The following PLPPR3 variants were observed in gnomAD, a reference collection of about 807,000 sequenced individuals.
PLPPR3 encodes the protein phospholipid phosphatase related 3.
PLPPR3 carries 14 observed loss-of-function variants against 27.3 expected under a neutral mutation model. That is an observed-to-expected ratio of 0.51 (90% CI 0.34 to 0.80). The LOEUF (loss-of-function observed/expected upper bound fraction) is 0.80, where lower values mean the gene tolerates loss of function less well. Among genes scored for constraint, PLPPR3 ranks in the 30% least tolerant of loss-of-function variants. The pLI, the probability that PLPPR3 is intolerant of heterozygous loss-of-function variation, is 0.01. For missense variants in PLPPR3, 1,287 were observed against 1,056.9 expected (o/e 1.22, Z -3.02); for synonymous variants, 671 against 508.0 (o/e 1.32, Z -4.32).
rs766728349 is a variant in PLPPR3, at chr19:814,619, G to A, written c.658-12C>T. On this transcript the variant is annotated splice_polypyrimidine_tract_variant and intron_variant, in intron 6 of 7. Transcript: ENST00000520876. ...GAGTTGAAGTACATCTGGGGCATGG[G>A]GGTTGGGGTCAGGGAGGGCTCCCCA... 4 of 1,611,498 alleles carry A rather than the reference G, an allele frequency of 2.5e-6. No homozygotes were observed. Among genetic ancestry groups the A allele is most frequent in the East Asian group, 2.2e-5 (1 of 44,892 alleles).
Position 812,692 on chromosome 19 carries a change from GGCCCAGCGCCCCATCGGCCGC to G in PLPPR3, c.2014_2034del (p.Ala672_Gly678del), listed in dbSNP as rs1599254818. The G allele has an allele frequency of 7.6e-6, 8 of 1,049,176 alleles. No individual in the cohort carries two copies. The highest frequency in any genetic ancestry group is 1.7e-5 in the African/African-American group (1 of 57,778). The allele number at this position is 1,049,176 out of a possible 1,614,324, so 65.0% of individuals were successfully genotyped here. A position where few individuals can be genotyped will look rare whatever the true frequency, so the allele number is the denominator to read the frequency against. ...CGCAGCGTGGACTCCCGGCTGCCCG[GGCCCAGCGCCCCATCGGCCGC>G]GCCCAGCGGGGGCAGCCCCTCGCCC... On this transcript the variant is annotated inframe_deletion, in exon 8 of 8. Coordinates refer to ENST00000520876, the MANE Select transcript of PLPPR3 (RefSeq NM_001270366.2).
At position 812,790 on chromosome 19, in the gene PLPPR3, A is replaced by T; in HGVS notation, c.1937T>A (p.Val646Glu). ...CCCGAACCGCGGCTCCTCCTGGTCC[A>T]CGTCGCTGACCGACGAGCCGGGGGA... The part of the protein sequence containing the change: ...GVSPGSSVSD[V>E]DQEEPRFGAV... The change falls in exon 8 of 8, where the codon GTG becomes GAG. Residue 646 changes from valine to glutamate, a missense_variant. Coordinates refer to ENST00000520876, the MANE Select transcript of PLPPR3 (RefSeq NM_001270366.2). 9.2e-7 allele frequency: 1 copy of T among 1,089,958 alleles called. No individual in the cohort carries two copies. The highest frequency in any genetic ancestry group is 1.1e-6 in the Non-Finnish European group (1 of 896,424). 67.5% of individuals were successfully genotyped at this position (1,089,958 alleles called of 1,614,324 possible). A position where few individuals can be genotyped will look rare whatever the true frequency, so the allele number is the denominator to read the frequency against.
rs2034959098 is a variant in PLPPR3, at chr19:812,896, CCCCGCCG to C, written c.1824_1830del (p.Gly609ProfsTer131). On this transcript the variant is annotated frameshift_variant, in exon 8 of 8. Transcript: ENST00000520876. LOFTEE classifies it low-confidence loss of function (END_TRUNC). ...TAGCCGCCGTCGGCCTCCGCCTTGG[CCCCGCCG>C]CCCGCCGCCTTCCACTCCCAGGGCG... 3.9e-6 allele frequency: 5 copies of C among 1,271,768 alleles called. No homozygotes were observed. Among genetic ancestry groups the C allele is most frequent in the East Asian group, 4.4e-5 (1 of 22,662 alleles). The allele number at this position is 1,271,768 out of a possible 1,614,324, so 78.8% of individuals were successfully genotyped here.
rs916780230 is a variant in PLPPR3, at chr19:813,725, G to A, written c.1002C>T (p.Gly334=). Residue 334 remains glycine (G), a synonymous_variant, in exon 8 of 8, where the codon GGC becomes GGT. Transcript: ENST00000520876. This position sits in a 1 kb window ranked among gnomAD's most constrained non-coding sequence, Gnocchi z 4.1. ...DELGPPGRLE[G]APRPVAREKT... is the part of the protein sequence containing the mutation. ...TCTCGCGGGCCACGGGCCGGGGCGC[G>A]CCCTCCAGCCGCCCTGGGGGCCCCA... 8 of 1,525,162 alleles carry A rather than the reference G, an allele frequency of 5.2e-6. No individual in the cohort carries two copies. The highest frequency in any genetic ancestry group is 1.4e-5 in the African/African-American group (1 of 72,344). 94.5% of individuals were successfully genotyped at this position (1,525,162 alleles called of 1,614,324 possible). A position where few individuals can be genotyped will look rare whatever the true frequency, so the allele number is the denominator to read the frequency against.
intron 4 of PLPPR3, 29 bp from the exon 5 acceptor site, chr19:815,110 G>C (rs2035029374): frequency 6.2e-7 from 1 of 1,600,890 alleles, no homozygotes; most frequent in Non-Finnish European, 8.5e-7. Context: ...GGCCAGGCGG[G>C]GAGCTGGGGA....
intron 7 of PLPPR3, among the ~76,000 whole-genome samples, 200 bp from the exon 8 acceptor site, chr19:814,095 C>A (rs1253425864): frequency 6.6e-6 from 1 of 152,054 alleles, no homozygotes; most frequent in Non-Finnish European, 1.5e-5. Flanking sequence ...CTCCAGCATT[C>A]CAAGGGCGAG....
chr19:816,463 C>T (rs111211820), intron 2 of PLPPR3, among the ~76,000 whole-genome samples: 2 of 151,146 alleles, frequency 1.3e-5, no homozygotes, highest in South Asian at 2.1e-4. Context: ...TCCATCCAAC[C>T]GTCCATCCAT....
At chr19:821,831 T>G (rs2035152028) in intron 1 of PLPPR3, 84 bp downstream of exon 1, 4 of 302,182 alleles carry the variant, frequency 1.3e-5, no homozygotes, top group African/African-American at 4.7e-5. Context: ...AGTCCCCGCG[T>G]GGTGGTGGGG....
chr19:816,110 C>T (rs376898334), intron 2 of PLPPR3, among the ~76,000 whole-genome samples: 19 of 152,050 alleles, frequency 1.2e-4, no homozygotes, highest in Admixed American at 3.3e-4. Context: ...ACCCACTCAC[C>T]GACCCATCAC....
At chr19:816,383 TCCAC>T (rs537629311) in intron 2 of PLPPR3, among the ~76,000 whole-genome samples, 40 of 42,176 alleles carry the variant, frequency 9.5e-4, no homozygotes, top group African/African-American at 5.5e-3. Flanking sequence ...CATCCATCCA[TCCAC>T]CCACCCATCA....
At position 812,935 on chromosome 19, in the gene PLPPR3, C is replaced by T. The variant is rs763296613; in HGVS notation, c.1792G>A (p.Gly598Ser). The change falls in exon 8 of 8, where the codon GGC becomes AGC. Residue 598 changes from glycine (G) to serine (S), a missense_variant. Physicochemically the swap from Gly to Ser is moderately conservative, Grantham distance 56. Transcript: ENST00000520876. ...GCCTTCCACTCCCAGGGCGCGCCGC[C>T]GGCCGACAGGTGCACCACGGGGTGG... The part of the protein sequence containing the change: ...PHHPVVHLSA[G>S]GAPWEWKAAG... 6 of 1,354,192 alleles carry T rather than the reference C, an allele frequency of 4.4e-6. No individual in the cohort carries two copies. In the Admixed American group the frequency reaches 1.4e-4, roughly 32 times the overall value. 83.9% of individuals were successfully genotyped at this position (1,354,192 alleles called of 1,614,324 possible).
Position 821,354 on chromosome 19 carries a change from AC to A in PLPPR3, c.75+130del, listed in dbSNP as rs1001702690. 16 of 565,990 alleles carry A rather than the reference AC, an allele frequency of 2.8e-5. No individual in the cohort carries two copies. The African/African-American group carries it at 3.2e-4, about 11-fold the overall frequency. The allele number at this position is 565,990 out of a possible 1,614,324, so 35.1% of individuals were successfully genotyped here. A position where few individuals can be genotyped will look rare whatever the true frequency, so the allele number is the denominator to read the frequency against. On this transcript the variant is annotated intron_variant, in intron 2 of 7. Transcript: ENST00000520876. Reference sequence around the variant, plus strand: ...CTGCCCCACCCCCCATCCGCCGGACACCCCGGTCCTGCCCCGCCCCGAGGCC... The same window carrying A: ...CTGCCCCACCCCCCATCCGCCGGACACCCGGTCCTGCCCCGCCCCGAGGCC...
At chr19:822,797 C>A (rs572334818), upstream of PLPPR3, among the ~76,000 whole-genome samples, 5 of 152,316 alleles carry the variant, frequency 3.3e-5, no homozygotes, top group South Asian at 1.0e-3. Flanking sequence ...AATCCGAGGT[C>A]TCCGGGCCCC....
rs141958692 is a variant in PLPPR3 at position 821,527 on chromosome 19, C to A, written c.33G>T (p.Pro11=). 1.3e-6 allele frequency: 2 copies of A among 1,498,570 alleles called. No individual in the cohort carries two copies. The highest frequency in any genetic ancestry group is 2.5e-5 in the South Asian group (2 of 79,740). 92.8% of individuals were successfully genotyped at this position (1,498,570 alleles called of 1,614,324 possible). A position where few individuals can be genotyped will look rare whatever the true frequency, so the allele number is the denominator to read the frequency against. Residue 11 remains proline (P), a synonymous_variant, in exon 2 of 8, where the codon CCG becomes CCT. Transcript: ENST00000520876. MISTKEKNKI[P]KDSMTLLPCF... ...AGGGCAGAAGCGTCATGCTGTCCTT[C>A]GGGATCTTGTTCTTCTCCTTGGTGG...
intron 2 of PLPPR3, among the ~76,000 whole-genome samples, chr19:816,348 T>C (rs1014836556): frequency 1.5e-4 from 7 of 45,610 alleles, no homozygotes; most frequent in African/African-American, 2.9e-4. Context: ...CACCCATCCA[T>C]CCGTCCATTC....
rs1236783726 is a variant in PLPPR3, at chr19:813,259, G to T, written c.1468C>A (p.Pro490Thr). ...PRVILPPRAG[P>T]PPLVHIPEEG... ...TCCGGGATGTGCACCAGCGGCGGCG[G>T]CCCCGCGCGCGGTGGGAGGATGACC... is the stretch of plus-strand genomic sequence containing the variant. Residue 490 changes from proline to threonine, a missense_variant, in exon 8 of 8, where the codon CCG becomes ACG. Physicochemically the swap from Pro to Thr is conservative, Grantham distance 38. Transcript: ENST00000520876. This position sits in a 1 kb window ranked among gnomAD's most constrained non-coding sequence, Gnocchi z 4.1. 2 of 1,471,048 alleles carry T rather than the reference G, an allele frequency of 1.4e-6. No homozygotes were observed. The highest frequency in any genetic ancestry group is 1.8e-6 in the Non-Finnish European group (2 of 1,121,076). The allele number at this position is 1,471,048 out of a possible 1,614,324, so 91.1% of individuals were successfully genotyped here. A position where few individuals can be genotyped will look rare whatever the true frequency, so the allele number is the denominator to read the frequency against.
intron 4 of PLPPR3, 36 bp from the exon 5 acceptor site, chr19:815,117 G>C (rs1159485123): frequency 1.2e-6 from 2 of 1,600,150 alleles, no homozygotes; most frequent in Non-Finnish European, 1.7e-6. Context: ...CGGGGAGCTG[G>C]GGACCCGGGA....
At chr19:822,084 C>G (rs1375507338), upstream of PLPPR3, 2 of 150,688 alleles carry the variant, frequency 1.3e-5, no homozygotes, top group African/African-American at 4.9e-5. Context: ...TTTGTCTGGG[C>G]GCGTCCTCCG....
Position 813,164 on chromosome 19 carries a change from C to T in PLPPR3, c.1563G>A (p.Met521Ile). ...CTGCCGCCCCGCTCTTCTCGGCCATCATGAGCCACTTGGCGCGCACCCCGG... is the reference window on the plus strand; with the variant it reads ...CTGCCGCCCCGCTCTTCTCGGCCATTATGAGCCACTTGGCGCGCACCCCGG... ...SGAGVRAKWL[M>I]MAEKSGAAVA... Residue 521 changes from methionine (M) to isoleucine (I), a missense_variant, in exon 8 of 8, where the codon ATG (methionine) becomes ATA (isoleucine). Physicochemically the swap from Met to Ile is conservative, Grantham distance 10. Coordinates refer to ENST00000520876, the MANE Select transcript of PLPPR3 (RefSeq NM_001270366.2). The surrounding 1 kb of genome is among the most constrained non-coding windows in gnomAD (Gnocchi z 4.1). 3 of 1,521,614 alleles carry T rather than the reference C, an allele frequency of 2.0e-6. No homozygotes were observed. The highest frequency in any genetic ancestry group is 2.6e-6 in the Non-Finnish European group (3 of 1,145,348). The allele number at this position is 1,521,614 out of a possible 1,614,324, so 94.3% of individuals were successfully genotyped here. A position where few individuals can be genotyped will look rare whatever the true frequency, so the allele number is the denominator to read the frequency against.
Sources: gnomAD v4.1 joint callset for allele counts (sites outside exome capture counted in the v4.1 genomes callset) on GRCh38, gnomAD v4.1.1 for gene constraint, Gnocchi (gnomAD v3.1) non-coding constraint, MANE v1.5 for transcripts, NCBI Gene and HGNC (gene_info 2026-07-23, HGNC 2026-07-21) for gene names.